SLMAP: variants seen among roughly 807,000 people sequenced by gnomAD.
SLMAP encodes the protein sarcolemma associated protein, also known as sarcolemmal membrane-associated protein.
In SLMAP, 44 loss-of-function variants were observed where a neutral mutation model predicts 128.8. The observed-to-expected ratio is 0.34, with a 90% CI of 0.27 to 0.44. The LOEUF (loss-of-function observed/expected upper bound fraction) is 0.44, where lower values mean the gene tolerates loss of function less well. Ranked by LOEUF, SLMAP falls within the 20% of genes least tolerant of loss-of-function variation. The probability of loss-of-function intolerance (pLI) is 1.00; values close to 1 mark genes in which losing one functional copy is unlikely to be tolerated. For missense variants in SLMAP, 787 were observed against 985.3 expected (o/e 0.80, Z 2.69); for synonymous variants, 327 against 348.8 (o/e 0.94, Z 0.70).
chr3:57,776,490 C>G (rs1006698828), intron 2 of SLMAP, among the ~76,000 whole-genome samples: 2 of 144,762 alleles, frequency 1.4e-5, no homozygotes, highest in African/African-American at 5.1e-5. Context: ...TTCCACAATT[C>G]TCCCTGATTT....
chr3:57,907,845 T>A (rs536878351), intron 17 of SLMAP, 39 bp from the exon 18 acceptor site: 1 of 1,598,814 alleles, frequency 6.3e-7, no homozygotes, highest in East Asian at 2.2e-5. Flanking sequence ...TATAGTGTGA[T>A]ACTAACTCTT....
At chr3:57,814,861 G>T (rs1349799462) in intron 2 of SLMAP, among the ~76,000 whole-genome samples, 2 of 152,074 alleles carry the variant, frequency 1.3e-5, no homozygotes, top group African/African-American at 4.8e-5. Flanking sequence ...GTGAATGTGT[G>T]CCTGTAGTCC....
At chr3:57,923,236 T>C (rs1485586233) in intron 23 of SLMAP, among the ~76,000 whole-genome samples, 1 of 152,222 alleles carries the variant, frequency 6.6e-6, no homozygotes, top group Non-Finnish European at 1.5e-5. Context: ...GCCTCAGGAC[T>C]GCCTGGAGGA....
chr3:57,803,552 T>A (rs1049724616), intron 2 of SLMAP, among the ~76,000 whole-genome samples: 2 of 152,212 alleles, frequency 1.3e-5, no homozygotes, highest in Non-Finnish European at 2.9e-5. Flanking sequence ...TTTGTTTCCT[T>A]GAATGTAATT....
intron 21 of SLMAP, among the ~76,000 whole-genome samples, chr3:57,915,620 A>G (rs374321561): frequency 2.8e-4 from 43 of 152,306 alleles, no homozygotes; most frequent in African/African-American, 1.0e-3. Flanking sequence ...TAGTTCAATT[A>G]CCATAGTGAG....
intron 14 of SLMAP, among the ~76,000 whole-genome samples, chr3:57,882,442 A>G (rs1324419325): frequency 6.6e-6 from 1 of 152,226 alleles, no homozygotes; most frequent in Admixed American, 6.5e-5. Context: ...TGTCTGGAGA[A>G]AGTGTGTGAA....
intron 23 of SLMAP, among the ~76,000 whole-genome samples, chr3:57,924,844 G>A (rs2096974243): frequency 6.6e-6 from 1 of 151,886 alleles, no homozygotes; most frequent in Non-Finnish European, 1.5e-5. Context: ...ATTGCTGAGG[G>A]AGTACATTGT....
chr3:57,879,924 A>C (rs1365582134), intron 14 of SLMAP, among the ~76,000 whole-genome samples: 1 of 151,150 alleles, frequency 6.6e-6, no homozygotes, highest in Non-Finnish European at 1.5e-5. Flanking sequence ...CACTCCAGCC[A>C]GGGAGACAGT....
chr3:57,757,635 C>T lies in SLMAP; in HGVS notation c.-17C>T. ...CTCTTTGTCCCTGGTAGGAGAGACA[C>T]CCCCAGTCTATCCTCGATGCCGTCA... On this transcript the variant is annotated 5_prime_UTR_variant, in exon 2 of 25. Transcript: ENST00000671191. 2 of 1,612,242 alleles carry T rather than the reference C, an allele frequency of 1.2e-6. No homozygotes were observed. Among genetic ancestry groups the T allele is most frequent in the Non-Finnish European group, 8.5e-7 (1 of 1,178,784 alleles).
chr3:57,859,853 G>C (rs112257429), intron 8 of SLMAP, among the ~76,000 whole-genome samples: 4,031 of 152,066 alleles, frequency 0.027, 164 homozygotes, highest in African/African-American at 0.092. Context: ...ATCTCTAAAG[G>C]TATTGGAATA....
intron 2 of SLMAP, among the ~76,000 whole-genome samples, chr3:57,813,201 T>C (rs1356393074): frequency 1.3e-5 from 2 of 151,786 alleles, no homozygotes; most frequent in African/African-American, 4.8e-5. Flanking sequence ...GTTCAGGTGA[T>C]TCTCCTGCCT....
intron 2 of SLMAP, among the ~76,000 whole-genome samples, chr3:57,810,899 C>G (rs956868771): frequency 6.6e-6 from 1 of 152,170 alleles, no homozygotes. Flanking sequence ...TTGAACTGCT[C>G]CATGTCCTTG....
chr3:57,845,828 A>G (rs1426086766), intron 4 of SLMAP, among the ~76,000 whole-genome samples: 1 of 151,732 alleles, frequency 6.6e-6, no homozygotes, highest in Non-Finnish European at 1.5e-5. Flanking sequence ...AATTGGTTGT[A>G]TGATTATCTC....
chr3:57,892,835 T>TTC (rs1483829592), intron 15 of SLMAP, among the ~76,000 whole-genome samples: 56 of 147,122 alleles, frequency 3.8e-4, no homozygotes, highest in African/African-American at 1.3e-3. Context: ...TGCTTTCTTT[T>TTC]TTTTTTTTTT....
chr3:57,775,508 AC>A (rs1299920098), intron 2 of SLMAP, among the ~76,000 whole-genome samples: 1,847 of 120,064 alleles, frequency 0.015, 202 homozygotes, highest in African/African-American at 0.085. Flanking sequence ...CCCTGTTGGT[AC>A]AAAAAAAAAA....
At chr3:57,821,118 C>T (rs1007584591) in intron 2 of SLMAP, among the ~76,000 whole-genome samples, 25 of 152,190 alleles carry the variant, frequency 1.6e-4, no homozygotes, top group African/African-American at 5.5e-4. Flanking sequence ...ATGCTTTATA[C>T]TGTTTTGATT....
At chr3:57,869,661 A>T (rs1008398487) in intron 13 of SLMAP, among the ~76,000 whole-genome samples, 76 of 62,100 alleles carry the variant, frequency 1.2e-3, no homozygotes, top group African/African-American at 2.6e-3. Flanking sequence ...TATATATATA[A>T]TATATATAAA....
chr3:57,860,662 A>G (rs747595373), intron 8 of SLMAP, 37 bp from the exon 9 acceptor site: 1 of 1,438,516 alleles, frequency 7.0e-7, no homozygotes, highest in Non-Finnish European at 9.3e-7. Context: ...CTTTTAAAAA[A>G]TAACTTGTCT....
In SLMAP at chr3:57,806,524, G is replaced by A. The variant is rs573626585; in HGVS notation, c.199-24859G>A. ...ACAATCTTGGCCCACTGCAACCTCC[G>A]CCTCCCGGGTTCAAGCAATTATCCT... On this transcript the variant is annotated intron_variant, in intron 2 of 24. Coordinates refer to ENST00000671191, the MANE Select transcript of SLMAP (RefSeq NM_001377540.1). 9.9e-5 allele frequency among the ~76,000 whole-genome samples: 15 copies of A among 152,038 alleles called. No individual in the cohort carries two copies. In the East Asian group the frequency reaches 2.7e-3, roughly 27 times the overall value.
Sources: gnomAD v4.1 joint callset for allele counts (sites outside exome capture counted in the v4.1 genomes callset) on GRCh38, gnomAD v4.1.1 for gene constraint, MANE v1.5 for transcripts, NCBI Gene and HGNC (gene_info 2026-07-23, HGNC 2026-07-21) for gene names.